SCOC: variants seen among roughly 807,000 people sequenced by gnomAD.
SCOC encodes the protein short coiled coil protein.
Under a neutral mutation model 9.9 loss-of-function variants are expected in SCOC, and 7 were observed. The ratio of observed to expected loss-of-function variants is 0.71; its 90% confidence interval spans 0.40 to 1.33. The LOEUF (loss-of-function observed/expected upper bound fraction) is 1.33, where lower values mean the gene tolerates loss of function less well. Ranked by LOEUF, SCOC falls within the 40% of genes most tolerant of loss-of-function variation. The probability of loss-of-function intolerance (pLI) is 0.01; values close to 1 mark genes in which losing one functional copy is unlikely to be tolerated. For missense variants in SCOC, 66 were observed against 89.7 expected, an observed-to-expected ratio of 0.74 and a Z score of 1.07; for synonymous variants, 19 against 28.2, an observed-to-expected ratio of 0.67 and a Z score of 1.03.
chr4:140,366,609 T>C (rs1036544326), intron 2 of SCOC: 5 of 1,606,616 alleles, frequency 3.1e-6, no homozygotes, highest in Non-Finnish European at 4.3e-6. Flanking sequence ...CTGCCCATTT[T>C]GTATTGATGT....
intron 2 of SCOC, among the ~76,000 whole-genome samples, chr4:140,348,468 C>A (rs1726833635): frequency 6.6e-6 from 1 of 151,982 alleles, no homozygotes; most frequent in African/African-American, 2.4e-5. Context: ...TTACAAATGG[C>A]AAGATTTCCT....
upstream of SCOC, among the ~76,000 whole-genome samples, chr4:140,338,576 A>T (rs1049092716): frequency 6.6e-6 from 1 of 152,254 alleles, no homozygotes; most frequent in Non-Finnish European, 1.5e-5. Flanking sequence ...AAATCTCCTT[A>T]AGCTGATAAG....
intron 1 of SCOC, among the ~76,000 whole-genome samples, chr4:140,261,455 C>A (rs943371781): frequency 6.6e-6 from 1 of 152,350 alleles, no homozygotes; most frequent in Non-Finnish European, 1.5e-5. Flanking sequence ...TCCCATACCC[C>A]AGACTTTGCC....
intron 2 of SCOC, among the ~76,000 whole-genome samples, chr4:140,368,447 A>G (rs1016616207): frequency 2.0e-5 from 3 of 152,222 alleles, no homozygotes; most frequent in Non-Finnish European, 4.4e-5. Context: ...ATAAATACCA[A>G]TTCTGGGGGA....
In SCOC at chr4:140,384,780, G is replaced by A. The variant is rs1019188567; in HGVS notation, c.*3676G>A. 1.3e-5 allele frequency: 2 copies of A among 152,132 alleles called. No individual in the cohort carries two copies. The highest frequency in any genetic ancestry group is 1.3e-4 in the Admixed American group (2 of 15,264). The allele number at this position is 152,132 out of a possible 1,614,324, so 9.4% of individuals were successfully genotyped here. ...GTAGGGAAAAATCAGCATACTCCTTGTTATGGACTGAATGTGTCCTCCCAA... is the reference window on the plus strand; with the variant it reads ...GTAGGGAAAAATCAGCATACTCCTTATTATGGACTGAATGTGTCCTCCCAA... On this transcript the variant is annotated 3_prime_UTR_variant, in exon 4 of 4. Coordinates refer to ENST00000608372, the MANE Select transcript of SCOC (RefSeq NM_001153484.2).
chr4:140,318,944 T>C (rs1466397676), intron 1 of SCOC, among the ~76,000 whole-genome samples: 1 of 152,200 alleles, frequency 6.6e-6, no homozygotes, highest in Non-Finnish European at 1.5e-5. Flanking sequence ...TCTCCACTTC[T>C]GGTGCAGGAA....
chr4:140,333,829 C>A (rs1353595311), intron 1 of SCOC, among the ~76,000 whole-genome samples: 2 of 152,210 alleles, frequency 1.3e-5, no homozygotes, highest in African/African-American at 4.8e-5. Flanking sequence ...AAATCCACAT[C>A]ATTTAACCCC....
At chr4:140,311,603 T>A (rs574720529) in intron 1 of SCOC, among the ~76,000 whole-genome samples, 1 of 152,100 alleles carries the variant, frequency 6.6e-6, no homozygotes, top group Non-Finnish European at 1.5e-5. Context: ...CATGCCCTCT[T>A]CCTCCTGGTA....
upstream of SCOC, among the ~76,000 whole-genome samples, chr4:140,369,024 A>C (rs1171648664): frequency 6.6e-6 from 1 of 152,118 alleles, no homozygotes; most frequent in African/African-American, 2.4e-5. Flanking sequence ...GATTCCATAA[A>C]GACCTTGAAA....
chr4:140,345,624 C>T (rs1726702791), intron 2 of SCOC, among the ~76,000 whole-genome samples: 1 of 152,118 alleles, frequency 6.6e-6, no homozygotes, highest in Non-Finnish European at 1.5e-5. Context: ...ATTGTGGAAT[C>T]CTTGCAAAAG....
intron 1 of SCOC, among the ~76,000 whole-genome samples, chr4:140,287,287 G>A (rs1484147826): frequency 2.1e-5 from 3 of 141,272 alleles, no homozygotes; most frequent in Non-Finnish European, 4.4e-5. Context: ...ATGCCACACA[G>A]ACCATGCACA....
chr4:140,309,771 C>A (rs1732098099), intron 1 of SCOC, among the ~76,000 whole-genome samples: 2 of 152,132 alleles, frequency 1.3e-5, no homozygotes, highest in African/African-American at 4.8e-5. Context: ...TCTGAAGTGC[C>A]TATTCAAACT....
chr4:140,351,945 C>A (rs1333936611), intron 2 of SCOC, among the ~76,000 whole-genome samples: 2 of 152,188 alleles, frequency 1.3e-5, no homozygotes, highest in African/African-American at 4.8e-5. Context: ...CCAGTGTTTG[C>A]AGCCAGCGCC....
upstream of SCOC, among the ~76,000 whole-genome samples, chr4:140,341,329 T>C (rs1726504988): frequency 6.6e-6 from 1 of 152,230 alleles, no homozygotes; most frequent in African/African-American, 2.4e-5. Flanking sequence ...CCTCACATGA[T>C]AATTTTATTA....
chr4:140,359,732 G>A (rs932066299), intron 2 of SCOC, among the ~76,000 whole-genome samples: 3 of 152,198 alleles, frequency 2.0e-5, no homozygotes, highest in African/African-American at 4.8e-5. Context: ...GGAGACGTGG[G>A]ATCTAAAGAT....
chr4:140,284,429 AAT>A (rs1731173306), intron 1 of SCOC: 2 of 152,174 alleles, frequency 1.3e-5, no homozygotes, highest in South Asian at 4.1e-4. Flanking sequence ...ATAACAACTT[AAT>A]ATGCTCAAGT....
At chr4:140,274,278 T>C (rs1179232089) in intron 1 of SCOC, among the ~76,000 whole-genome samples, 1 of 152,242 alleles carries the variant, frequency 6.6e-6, no homozygotes, top group Non-Finnish European at 1.5e-5. Flanking sequence ...TGAAAGTGTC[T>C]ACAATATGGA....
intron 1 of SCOC, chr4:140,314,229 G>A (rs1405371777): frequency 9.6e-6 from 2 of 208,490 alleles, no homozygotes; most frequent in Admixed American, 8.6e-5. Context: ...TTCTATCCCT[G>A]TCAGTTTTGA....
intron 1 of SCOC, among the ~76,000 whole-genome samples, chr4:140,290,113 T>C (rs1309841454): frequency 1.3e-5 from 2 of 152,244 alleles, no homozygotes; most frequent in Non-Finnish European, 2.9e-5. Context: ...AGCATTTTTT[T>C]GCATTGCTGT....
Sources: gnomAD v4.1 joint callset for allele counts (sites outside exome capture counted in the v4.1 genomes callset) on GRCh38, gnomAD v4.1.1 for gene constraint, MANE v1.5 for transcripts, NCBI Gene and HGNC (gene_info 2026-07-23, HGNC 2026-07-21) for gene names.